EPHA6: variants seen among roughly 807,000 people sequenced by gnomAD.
EPHA6 encodes the protein ephrin type-A receptor 6.
A neutral mutation model predicts 112.0 loss-of-function variants in EPHA6; 50 were observed. That is an observed-to-expected ratio of 0.45 (90% CI 0.36 to 0.56). The LOEUF (loss-of-function observed/expected upper bound fraction) is 0.56. Ranked by LOEUF, EPHA6 falls within the 20% of genes least tolerant of loss-of-function variation. The pLI is 0.00. For missense variants in EPHA6, 1,280 were observed against 1,417.4 expected, an observed-to-expected ratio of 0.90 and a Z score of 1.56; for synonymous variants, 529 against 490.7, an observed-to-expected ratio of 1.08 and a Z score of -1.03.
At chr3:97,469,322 C>G (rs2091154693) in intron 7 of EPHA6, among the ~76,000 whole-genome samples, 1 of 151,664 alleles carries the variant, frequency 6.6e-6, no homozygotes, top group African/African-American at 2.4e-5. Context: ...GCCTCCCCAA[C>G]CTATCTTCTA....
At chr3:97,280,714 A>G (rs2080257570) in intron 5 of EPHA6, among the ~76,000 whole-genome samples, 1 of 152,186 alleles carries the variant, frequency 6.6e-6, no homozygotes, top group Non-Finnish European at 1.5e-5. Flanking sequence ...GTTTCCTTAT[A>G]TATCTCTTTA....
At chr3:96,846,958 T>C (rs2035107722) in intron 1 of EPHA6, among the ~76,000 whole-genome samples, 2 of 152,082 alleles carry the variant, frequency 1.3e-5, no homozygotes, top group Admixed American at 6.6e-5. Flanking sequence ...TGGGAGTATA[T>C]TGGGTTTTAC....
chr3:97,117,017 G>A (rs1053014981), intron 3 of EPHA6, among the ~76,000 whole-genome samples: 1 of 151,430 alleles, frequency 6.6e-6, no homozygotes, highest in Non-Finnish European at 1.5e-5. Context: ...TTTGGTAATA[G>A]CCCTTTTAAC....
intron 2 of EPHA6, among the ~76,000 whole-genome samples, chr3:96,888,312 C>G (rs1458003396): frequency 2.0e-5 from 3 of 152,126 alleles, no homozygotes; most frequent in Non-Finnish European, 4.4e-5. Flanking sequence ...TGACTCAGCT[C>G]CAGAAAAAGT....
At chr3:96,831,510 A>T (rs1287018890) in intron 1 of EPHA6, among the ~76,000 whole-genome samples, 8 of 151,180 alleles carry the variant, frequency 5.3e-5, no homozygotes, top group Non-Finnish European at 1.2e-4. Flanking sequence ...AGTGTTTGTG[A>T]TTGTTCATTT....
chr3:97,151,242 T>C (rs2076164314), intron 3 of EPHA6, among the ~76,000 whole-genome samples: 1 of 152,166 alleles, frequency 6.6e-6, no homozygotes, highest in South Asian at 2.1e-4. Flanking sequence ...TTAAGTATGA[T>C]TTCTTTGTAG....
At chr3:96,870,513 C>T (rs1220120305) in intron 2 of EPHA6, among the ~76,000 whole-genome samples, 3 of 152,112 alleles carry the variant, frequency 2.0e-5, no homozygotes, top group Non-Finnish European at 4.4e-5. Flanking sequence ...ATACTAAGCT[C>T]TTCCAGAAAC....
chr3:97,753,805 T>A lies in EPHA6; in HGVS notation c.*5104T>A, dbSNP rs1431741006. On this transcript the variant is annotated 3_prime_UTR_variant, in exon 18 of 18. Transcript: ENST00000389672. ...ATTACTAAGTGAAATGATAGAAACA[T>A]CTTATATTGTGTAAAAGTAAACACT... Among the ~76,000 whole-genome samples, 1 of 152,098 alleles carries A rather than the reference T, an allele frequency of 6.6e-6. No individual in the cohort carries two copies. Among genetic ancestry groups the A allele is most frequent in the Non-Finnish European group, 1.5e-5 (1 of 68,022 alleles).
intron 3 of EPHA6, among the ~76,000 whole-genome samples, chr3:97,173,844 G>C (rs2076761801): frequency 6.6e-6 from 1 of 151,722 alleles, no homozygotes; most frequent in South Asian, 2.1e-4. Context: ...CATGGAGAAT[G>C]GGGTATCCAT....
intron 7 of EPHA6, among the ~76,000 whole-genome samples, chr3:97,459,711 A>G (rs2090821522): frequency 6.6e-6 from 1 of 152,170 alleles, no homozygotes; most frequent in Non-Finnish European, 1.5e-5. Flanking sequence ...AAAACCTTCC[A>G]AATATCTTTT....
At chr3:97,615,589 G>T (rs942288974) in intron 13 of EPHA6, among the ~76,000 whole-genome samples, 1 of 152,288 alleles carries the variant, frequency 6.6e-6, no homozygotes, top group African/African-American at 2.4e-5. Flanking sequence ...TTCCTGGGGG[G>T]AGGGGCAGGC....
intron 5 of EPHA6, among the ~76,000 whole-genome samples, chr3:97,260,200 C>T (rs996399031): frequency 4.6e-5 from 7 of 152,134 alleles, no homozygotes; most frequent in Non-Finnish European, 8.8e-5. Flanking sequence ...TGGAACAATT[C>T]CTAGTGGAGC....
At chr3:97,331,062 C>T (rs1208830631) in intron 5 of EPHA6, among the ~76,000 whole-genome samples, 2 of 152,148 alleles carry the variant, frequency 1.3e-5, no homozygotes, top group African/African-American at 2.4e-5. Context: ...GACCACAGTG[C>T]AATCAAACTG....
At chr3:97,065,507 C>T (rs2108137240) in intron 3 of EPHA6, among the ~76,000 whole-genome samples, 1 of 147,476 alleles carries the variant, frequency 6.8e-6, no homozygotes, top group Non-Finnish European at 1.5e-5. Context: ...GGGGTTTGTG[C>T]AATGTTTACT....
chr3:96,896,793 T>G (rs953995004), intron 2 of EPHA6, among the ~76,000 whole-genome samples: 2 of 152,196 alleles, frequency 1.3e-5, no homozygotes, highest in African/African-American at 4.8e-5. Flanking sequence ...ACTTACCTAT[T>G]GGTTAGAGGG....
At chr3:97,329,829 C>A (rs2082691421) in intron 5 of EPHA6, among the ~76,000 whole-genome samples, 1 of 151,822 alleles carries the variant, frequency 6.6e-6, no homozygotes, top group Non-Finnish European at 1.5e-5. Context: ...TAATTAGATC[C>A]CATTTGTCAA....
In EPHA6 at chr3:97,172,122, G is replaced by T. The variant is rs571897668; in HGVS notation, c.1115-54142G>T. On this transcript the variant is annotated intron_variant, in intron 3 of 17. Transcript: ENST00000389672. ...AGTGGTGGGTGCTGTCTTGAACATG[G>T]CATATATAGACTGATGTTTTGAAAG... 1.1e-3 allele frequency among the ~76,000 whole-genome samples: 165 copies of T among 152,120 alleles called. 1 individual carries two copies. The highest frequency in any genetic ancestry group is 3.9e-3 in the African/African-American group (161 of 41,552).
At chr3:97,706,859 ATTAT>A (rs958001419) in intron 14 of EPHA6, among the ~76,000 whole-genome samples, 4 of 148,788 alleles carry the variant, frequency 2.7e-5, no homozygotes, top group Admixed American at 6.7e-5. Context: ...CTGTGCTGTT[ATTAT>A]TTATTTATTT....
chr3:96,853,066 G>A (rs1468986829), intron 1 of EPHA6, among the ~76,000 whole-genome samples: 1 of 152,118 alleles, frequency 6.6e-6, no homozygotes, highest in East Asian at 1.9e-4. Context: ...TCAGCCAGCA[G>A]TAATGTGCAG....
Sources: gnomAD v4.1 joint callset for allele counts (sites outside exome capture counted in the v4.1 genomes callset) on GRCh38, gnomAD v4.1.1 for gene constraint, MANE v1.5 for transcripts, NCBI Gene and HGNC (gene_info 2026-07-23, HGNC 2026-07-21) for gene names.